The following CDK17 variants were observed in gnomAD, a reference collection of about 807,000 sequenced individuals.
The protein encoded by CDK17 is cyclin-dependent kinase 17.
Under a neutral mutation model 77.6 loss-of-function variants are expected in CDK17, and 24 were observed. That is an observed-to-expected ratio of 0.31 (90% CI 0.22 to 0.44). The LOEUF is 0.44. Among genes scored for constraint, CDK17 ranks in the 20% least tolerant of loss-of-function variants. CDK17 has a pLI of 1.00. For synonymous variants in CDK17, 203 were observed against 210.4 expected, an observed-to-expected ratio of 0.96 and a Z score of 0.30; for missense variants, 429 against 622.5, an observed-to-expected ratio of 0.69 and a Z score of 3.31.
intron 3 of CDK17, among the ~76,000 whole-genome samples, chr12:96,322,685 G>A (rs1472239047): frequency 3.3e-5 from 5 of 150,302 alleles, no homozygotes; most frequent in Non-Finnish European, 7.4e-5. Context: ...AACTAGAACA[G>A]AAAAAAATAA....
chr12:96,315,437 T>G (rs916711432), intron 3 of CDK17, among the ~76,000 whole-genome samples: 1 of 152,180 alleles, frequency 6.6e-6, no homozygotes, highest in African/African-American at 2.4e-5. Flanking sequence ...CCATAGAAAT[T>G]TTATGGTGAT....
intron 1 of CDK17, among the ~76,000 whole-genome samples, chr12:96,371,492 A>G (rs1444488351): frequency 6.6e-6 from 1 of 152,210 alleles, no homozygotes; most frequent in Non-Finnish European, 1.5e-5. Context: ...TTTGACAGCT[A>G]CTGTAAGAAT....
intron 1 of CDK17, among the ~76,000 whole-genome samples, chr12:96,351,610 A>G (rs1388870213): frequency 1.3e-5 from 2 of 152,232 alleles, no homozygotes; most frequent in Non-Finnish European, 2.9e-5. Flanking sequence ...TGGTTACACA[A>G]AATTTCAATC....
At chr12:96,300,813 C>A (rs576678951) in intron 5 of CDK17, among the ~76,000 whole-genome samples, 21 of 152,248 alleles carry the variant, frequency 1.4e-4, no homozygotes, top group African/African-American at 4.8e-4. Flanking sequence ...GAATATCTAT[C>A]AAGTTTTAAA....
At chr12:96,382,966 G>A (rs1044369549) in intron 1 of CDK17, among the ~76,000 whole-genome samples, 2 of 147,940 alleles carry the variant, frequency 1.4e-5, no homozygotes, top group Non-Finnish European at 3.1e-5. Flanking sequence ...AATAGAGAAA[G>A]AAGACATCAA....
In CDK17 at chr12:96,280,266, G is replaced by A; in HGVS notation, c.1548C>T (p.Asn516=). 6.4e-7 allele frequency: 1 copy of A among 1,551,236 alleles called. No individual in the cohort carries two copies. Among genetic ancestry groups the A allele is most frequent in the Non-Finnish European group, 8.7e-7 (1 of 1,146,754 alleles). ...CTTAAAAGAGCATGCTCTGTCTTCT[G>A]TTCTTCCCATGTCCTAAAATATAAA... is the stretch of plus-strand genomic sequence containing the variant. ...SSYPETGHGK[N]RRQSMLF The change falls in exon 17 of 17, where the codon AAC becomes AAT. Residue 516 remains asparagine, a synonymous_variant. Coordinates refer to ENST00000261211, the MANE Select transcript of CDK17 (RefSeq NM_002595.5).
chr12:96,301,325 A>G (rs1192960119), intron 5 of CDK17, among the ~76,000 whole-genome samples: 1 of 151,932 alleles, frequency 6.6e-6, no homozygotes, highest in Non-Finnish European at 1.5e-5. Flanking sequence ...TTGCTTTTAA[A>G]ACTTGAGCTC....
At chr12:96,286,190 TA>T (rs1160839905) in intron 12 of CDK17, 42 bp from the exon 13 acceptor site, 2 of 490,038 alleles carry the variant, frequency 4.1e-6, no homozygotes, top group Non-Finnish European at 6.2e-6. Context: ...TAAATATATA[TA>T]AAATTTATAT....
chr12:96,370,749 A>G (rs1249583995), intron 1 of CDK17, among the ~76,000 whole-genome samples: 1 of 152,232 alleles, frequency 6.6e-6, no homozygotes, highest in Non-Finnish European at 1.5e-5. Context: ...GCTTGAAATT[A>G]AAGAGACTTG....
intron 2 of CDK17, among the ~76,000 whole-genome samples, chr12:96,328,060 A>G (rs1451791720): frequency 6.6e-6 from 1 of 151,846 alleles, no homozygotes; most frequent in Non-Finnish European, 1.5e-5. Context: ...ATTTACAGCC[A>G]CTCCCCATTG....
At chr12:96,380,870 G>A (rs77515025) in intron 1 of CDK17, among the ~76,000 whole-genome samples, 1 of 152,102 alleles carries the variant, frequency 6.6e-6, no homozygotes, top group African/African-American at 2.4e-5. Flanking sequence ...GGCTGGTAGA[G>A]AATAACATTT....
At chr12:96,374,964 C>A (rs1012695043) in intron 1 of CDK17, among the ~76,000 whole-genome samples, 2 of 152,208 alleles carry the variant, frequency 1.3e-5, no homozygotes, top group South Asian at 4.1e-4. Context: ...AACAGTCACA[C>A]AACAGAACAG....
intron 11 of CDK17, among the ~76,000 whole-genome samples, chr12:96,288,949 G>A (rs1214574376): frequency 1.3e-5 from 2 of 152,136 alleles, no homozygotes; most frequent in Non-Finnish European, 2.9e-5. Flanking sequence ...TGAGGCAAAG[G>A]CCAGTAATTT....
chr12:96,304,764 C>T (rs1191650298), intron 5 of CDK17, among the ~76,000 whole-genome samples: 1 of 152,172 alleles, frequency 6.6e-6, no homozygotes, highest in Non-Finnish European at 1.5e-5. Context: ...TACTCCTGTA[C>T]ATAATATGCT....
intron 13 of CDK17, 134 bp from the exon 14 acceptor site, chr12:96,283,779 T>C (rs1409325434): frequency 5.2e-6 from 3 of 571,876 alleles, no homozygotes; most frequent in Non-Finnish European, 9.1e-6. Flanking sequence ...TGTCTTCAAA[T>C]AGACACAAAT....
intron 1 of CDK17, among the ~76,000 whole-genome samples, chr12:96,355,292 G>T (rs1010166984): frequency 6.6e-6 from 1 of 150,720 alleles, no homozygotes; most frequent in African/African-American, 2.4e-5. Context: ...TCACTTCCCT[G>T]GTCACCTTGT....
intron 1 of CDK17, among the ~76,000 whole-genome samples, chr12:96,371,808 C>A (rs75427845): frequency 1.3e-5 from 2 of 152,068 alleles, no homozygotes; most frequent in African/African-American, 2.4e-5. Context: ...ACATATTTTT[C>A]AATCATGATC....
At chr12:96,313,548 A>G (rs1952670723) in intron 3 of CDK17, 94 bp from the exon 4 acceptor site, 1 of 643,826 alleles carries the variant, frequency 1.6e-6, no homozygotes, top group Non-Finnish European at 2.3e-6. Flanking sequence ...CCAACGAGTA[A>G]AAATCACAGC....
In CDK17 at chr12:96,316,629, C is replaced by T. The variant is rs1005580919; in HGVS notation, c.284-3175G>A. The stretch of plus-strand genomic sequence containing the variant: ...GATCTGAGAACGGGCAGACTGCCTC[C>T]TCAAGTGGGTCCCTGACCCCCTGAC... On this transcript the variant is annotated intron_variant, in intron 3 of 16. Coordinates refer to ENST00000261211, the MANE Select transcript of CDK17 (RefSeq NM_002595.5). Among the ~76,000 whole-genome samples the T allele has an allele frequency of 2.6e-4, 34 of 133,254 alleles. 3 individuals are homozygous for T. The highest frequency in any genetic ancestry group is 4.1e-4 in the Admixed American group (5 of 12,326). 87.4% of individuals were successfully genotyped at this position (133,254 alleles called of 152,430 possible).
Sources: allele counts gnomAD v4.1 joint callset (sites outside exome capture counted in the v4.1 genomes callset), GRCh38; gene constraint gnomAD v4.1.1; transcripts MANE v1.5; gene names NCBI Gene and HGNC (gene_info 2026-07-23, HGNC 2026-07-21).